Variants in MYO15A observed in about 807,000 individuals in gnomAD.
MYO15A encodes myosin XVA.
MYO15A carries 308 observed loss-of-function variants against 394.6 expected under a neutral mutation model. The observed-to-expected ratio is 0.78, with a 90% CI of 0.71 to 0.86. The LOEUF (loss-of-function observed/expected upper bound fraction) is 0.86, where lower values mean the gene tolerates loss of function less well. Ranked by LOEUF, MYO15A falls within the 40% of genes least tolerant of loss-of-function variation. The probability of loss-of-function intolerance (pLI) is 0.00; values close to 1 mark genes in which losing one functional copy is unlikely to be tolerated. For missense variants in MYO15A, 4,606 were observed against 4,799.1 expected (o/e 0.96, Z 1.19); for synonymous variants, 1,957 against 2,003.8 (o/e 0.98, Z 0.62).
intron 4 of MYO15A, chr17:18,125,528 AC>A: frequency 2.8e-6 from 1 of 355,846 alleles, no homozygotes; most frequent in Non-Finnish European, 5.3e-6. Context: ...CCCCCTCTCT[AC>A]TAAAAATACA....
At position 18,120,310 on chromosome 17, in the gene MYO15A, C is replaced by A; in HGVS notation, c.1510C>A (p.Pro504Thr). The A allele has an allele frequency of 6.2e-7, 1 of 1,612,276 alleles. No homozygotes were observed. Among genetic ancestry groups the A allele is most frequent in the Non-Finnish European group, 8.5e-7 (1 of 1,179,980 alleles). ...GCCCCTGCCACCCTCTCTGGACATT[C>A]CTCTCCCCTTGGGGGATGCGGACGA... ...EVPLPPSLDI[P>T]LPLGDADEEE... Residue 504 changes from proline to threonine, a missense_variant, in exon 2 of 66, where the codon CCT becomes ACT. Physicochemically the swap from Pro to Thr is conservative, Grantham distance 38. This residue lies in a region of MYO15A where 1,830 missense variants were observed against 1,689.7 expected (regional missense o/e 1.08). Coordinates refer to ENST00000647165, the MANE Select transcript of MYO15A (RefSeq NM_016239.4).
chr17:18,162,146 GA>G (rs915580926), intron 57 of MYO15A, among the ~76,000 whole-genome samples: 22 of 152,326 alleles, frequency 1.4e-4, no homozygotes, highest in African/African-American at 5.3e-4. Context: ...TGACTCAAGA[GA>G]AATGGAGCAC....
At position 18,172,239 on chromosome 17, in the gene MYO15A, C is replaced by T. The variant is rs1224755801; in HGVS notation, c.10299C>T (p.Cys3433=). Residue 3433 remains cysteine, a synonymous_variant, in exon 64 of 66, where the codon TGC becomes TGT. Coordinates refer to ENST00000647165, the MANE Select transcript of MYO15A (RefSeq NM_016239.4). ...SCSNIAVPAP[C]ILAINHNGLN... ...GCAACATTGCTGTGCCAGCCCCTTG[C>T]ATCCTTGCCATCAACCACAATGGCC... The T allele has an allele frequency of 1.9e-6, 3 of 1,614,232 alleles. No homozygotes were observed. Among genetic ancestry groups the T allele is most frequent in the Middle Eastern group, 1.6e-4 (1 of 6,062 alleles).
chr17:18,137,525 G>A (rs1338814604), intron 15 of MYO15A, 59 bp from the exon 16 acceptor site: 2 of 1,521,600 alleles, frequency 1.3e-6, no homozygotes, highest in Non-Finnish European at 1.8e-6. Context: ...GGGAAGGTAG[G>A]GGCAAACAGG....
chr17:18,152,063 C>A, intron 41 of MYO15A, 49 bp from the exon 42 acceptor site: 1 of 1,547,630 alleles, frequency 6.5e-7, no homozygotes, highest in Non-Finnish European at 8.7e-7. Flanking sequence ...ACTGCCCCTC[C>A]ACAGGGCCTG....
In MYO15A at chr17:18,172,610, A is replaced by G. The variant is rs139226477; in HGVS notation, c.10350+320A>G. On this transcript the variant is annotated intron_variant, in intron 64 of 65. Coordinates refer to ENST00000647165, the MANE Select transcript of MYO15A (RefSeq NM_016239.4). ...TGAGTAACTTAAACAACAGAAGTTT[A>G]TTTCTCACAATTCTGGAGGCTGGCG... 3.6e-4 allele frequency: 145 copies of G among 398,546 alleles called. No homozygotes were observed. The East Asian group carries it at 8.3e-3, about 23-fold the overall frequency. The allele number at this position is 398,546 out of a possible 1,614,324, so 24.7% of individuals were successfully genotyped here.
intron 47 of MYO15A, 151 bp from the exon 48 acceptor site, chr17:18,156,044 G>A: frequency 8.4e-7 from 1 of 1,197,352 alleles, no homozygotes; most frequent in Non-Finnish European, 1.2e-6. Context: ...GAGAGGGGAA[G>A]CAGGAAGCTT....
intron 50 of MYO15A, chr17:18,157,515 C>A: frequency 8.9e-7 from 1 of 1,124,470 alleles, no homozygotes; most frequent in Non-Finnish European, 1.2e-6. Flanking sequence ...CTTTTTGCTT[C>A]ACTTCCCCTT....
chr17:18,144,645 C>T (rs894098795), intron 29 of MYO15A, 53 bp downstream of exon 29: 1 of 1,571,114 alleles, frequency 6.4e-7, no homozygotes, highest in Non-Finnish European at 8.7e-7. Flanking sequence ...GGCCCTGAAA[C>T]TGGGCCATGA....
At position 18,167,603 on chromosome 17, in the gene MYO15A, A is replaced by G. The variant is rs748035055; in HGVS notation, c.9962A>G (p.Tyr3321Cys). The G allele has an allele frequency of 1.9e-6, 3 of 1,602,776 alleles. No homozygotes were observed. Among genetic ancestry groups the G allele is most frequent in the South Asian group, 1.1e-5 (1 of 91,078 alleles). The change falls in exon 62 of 66, where the codon TAC becomes TGC. Residue 3321 changes from tyrosine (Y) to cysteine (C), a missense_variant. Around this residue, in one of 2 missense-constraint regions of MYO15A, gnomAD observed 2,776 missense variants for 3,109.3 expected, o/e 0.89. Coordinates refer to ENST00000647165, the MANE Select transcript of MYO15A (RefSeq NM_016239.4). The stretch of plus-strand genomic sequence containing the variant: ...TGCTCCCTGCAGGTCCTGCCTGACT[A>G]CCTGAAGGGACTCTTCAGCAGTGTG... Reference protein sequence around the residue: ...TMHYNQVLPDYLKGLFSSVPA... With the variant: ...TMHYNQVLPDCLKGLFSSVPA...
intron 19 of MYO15A, 63 bp downstream of exon 19, chr17:18,139,674 C>A: frequency 6.3e-7 from 1 of 1,577,414 alleles, no homozygotes; most frequent in Non-Finnish European, 8.7e-7. Flanking sequence ...CCACACCCAG[C>A]CTGCCTTCAG....
Position 18,156,927 on chromosome 17 carries a change from CCCTCACCCTG to C in MYO15A, c.8602-22_8602-13del, listed in dbSNP as rs1220207155. On this transcript the variant is annotated splice_polypyrimidine_tract_variant and intron_variant, in intron 48 of 65. Transcript: ENST00000647165. ...TGGGAGTGGGGTGATAGGGCTGTTGCCCTCACCCTGCCTCTGGCTGACCCAGGACTCTGAC... is the reference window on the plus strand; with the variant it reads ...TGGGAGTGGGGTGATAGGGCTGTTGCCCTCTGGCTGACCCAGGACTCTGAC... The C allele has an allele frequency of 1.2e-6, 2 of 1,604,626 alleles. No individual in the cohort carries two copies. The highest frequency in any genetic ancestry group is 2.7e-5 in the African/African-American group (2 of 74,756).
intron 8 of MYO15A, 54 bp downstream of exon 8, chr17:18,130,864 G>C (rs2046146926): frequency 6.7e-7 from 1 of 1,501,702 alleles, no homozygotes; most frequent in East Asian, 2.3e-5. Flanking sequence ...GTGTGTGTGT[G>C]TGTGTGTCTG....
chr17:18,121,999 G>A lies in MYO15A; in HGVS notation c.3199G>A (p.Ala1067Thr). Residue 1067 changes from alanine to threonine, a missense_variant, in exon 2 of 66, where the codon GCG becomes ACG. Around this residue, in one of 2 missense-constraint regions of MYO15A, gnomAD observed 1,830 missense variants for 1,689.7 expected, o/e 1.08. Coordinates refer to ENST00000647165, the MANE Select transcript of MYO15A (RefSeq NM_016239.4). The surrounding 1 kb of genome is among the most constrained non-coding windows in gnomAD (Gnocchi z 5.3). ...LRPSLSYPLA[A>T]CDQTRATWPP... ...GCCCAGCCTCTCATACCCACTGGCTGCGTGTGACCAGACCAGGGCCACATG... is the reference window on the plus strand; with the variant it reads ...GCCCAGCCTCTCATACCCACTGGCTACGTGTGACCAGACCAGGGCCACATG... The A allele has an allele frequency of 2.5e-6, 4 of 1,613,264 alleles. No homozygotes were observed. The highest frequency in any genetic ancestry group is 3.4e-6 in the Non-Finnish European group (4 of 1,180,024).
chr17:18,166,035 G>A (rs1352552364), intron 60 of MYO15A, among the ~76,000 whole-genome samples: 3 of 152,186 alleles, frequency 2.0e-5, no homozygotes, highest in Non-Finnish European at 2.9e-5. Context: ...ATAATGCAGG[G>A]CACTTTCCCA....
In MYO15A at chr17:18,119,538, C is replaced by T. The variant is rs374610013; in HGVS notation, c.738C>T (p.Tyr246=). Reference sequence around the variant, plus strand: ...ATCACCGCGACGGCGACGACTACTACGACCGGCAGTCACTCCACCGCTACG... The same window carrying T: ...ATCACCGCGACGGCGACGACTACTATGACCGGCAGTCACTCCACCGCTACG... ...YDYHRDGDDY[Y]DRQSLHRYEE... is the part of the protein sequence containing the mutation. The change falls in exon 2 of 66, where the codon TAC becomes TAT. Residue 246 remains tyrosine (Y), a synonymous_variant. Transcript: ENST00000647165. 5.0e-6 allele frequency: 8 copies of T among 1,609,090 alleles called. No homozygotes were observed. In the African/African-American group the frequency reaches 6.7e-5, roughly 13 times the overall value.
At chr17:18,156,595 G>C (rs2046679539) in intron 48 of MYO15A, among the ~76,000 whole-genome samples, 1 of 152,178 alleles carries the variant, frequency 6.6e-6, no homozygotes, top group African/African-American at 2.4e-5. Context: ...TCCTGCCTTG[G>C]CTGCATGGCC....
intron 58 of MYO15A, among the ~76,000 whole-genome samples, chr17:18,162,935 G>A (rs1171621913): frequency 6.6e-6 from 1 of 152,220 alleles, no homozygotes; most frequent in African/African-American, 2.4e-5. Context: ...AGGAGGCAGA[G>A]GTTGCAGTGA....
chr17:18,147,079 GAGA>G lies in MYO15A; in HGVS notation c.6510-947_6510-945del, dbSNP rs1313136978. ...TCACAATGATGTCACCCTGCTGGGT[GAGA>G]AGGATGATTTGCAAGGAAATCGCTC... On this transcript the variant is annotated intron_variant, in intron 30 of 65. Transcript: ENST00000647165. This position sits in a 1 kb window ranked among gnomAD's most constrained non-coding sequence, Gnocchi z 4.4. Among the ~76,000 whole-genome samples, 1 of 152,232 alleles carries G rather than the reference GAGA, an allele frequency of 6.6e-6. No individual in the cohort carries two copies. Among genetic ancestry groups the G allele is most frequent in the Non-Finnish European group, 1.5e-5 (1 of 68,040 alleles).
Sources: gnomAD v4.1 joint callset for allele counts (sites outside exome capture counted in the v4.1 genomes callset) on GRCh38, gnomAD v4.1.1 for gene constraint, gnomAD v4.1.1 regional missense constraint, Gnocchi (gnomAD v3.1) non-coding constraint, MANE v1.5 for transcripts, NCBI Gene and HGNC (gene_info 2026-07-23, HGNC 2026-07-21) for gene names.